The following LINGO2 variants were observed in gnomAD, a reference collection of about 807,000 sequenced individuals.
LINGO2 encodes leucine rich repeat and Ig domain containing 2.
In LINGO2, 14 loss-of-function variants were observed where a neutral mutation model predicts 30.6. The ratio of observed to expected loss-of-function variants is 0.46; its 90% CI spans 0.30 to 0.72. The LOEUF (loss-of-function observed/expected upper bound fraction) is 0.72. Among genes scored for constraint, LINGO2 ranks in the 30% least tolerant of loss-of-function variants. LINGO2 has a pLI of 0.07. For missense variants in LINGO2, 729 were observed against 751.7 expected (o/e 0.97, Z 0.35); for synonymous variants, 317 against 288.5 (o/e 1.10, Z -1.00).
chr9:28,279,748 T>C (rs34975991), intron 4 of LINGO2, among the ~76,000 whole-genome samples: 1 of 152,064 alleles, frequency 6.6e-6, no homozygotes, highest in Non-Finnish European at 1.5e-5. Context: ...GTTTGTATTG[T>C]ATTCTCCCAG....
the LINGO2 span, among the ~76,000 whole-genome samples, chr9:29,198,376 A>G: frequency 6.6e-6 from 1 of 152,276 alleles, no homozygotes; most frequent in Non-Finnish European, 1.5e-5. Context: ...GAAACAAGAA[A>G]GAAAAATATT....
intron 4 of LINGO2, among the ~76,000 whole-genome samples, chr9:28,014,539 A>G (rs576334157): frequency 6.6e-6 from 1 of 152,024 alleles, no homozygotes; most frequent in African/African-American, 2.4e-5. Flanking sequence ...GATACACTAG[A>G]TAAATTTTAC....
chr9:28,774,495 C>T, the LINGO2 span, among the ~76,000 whole-genome samples: 3 of 152,062 alleles, frequency 2.0e-5, no homozygotes, highest in Non-Finnish European at 2.9e-5. Context: ...TATATACACA[C>T]ACACATTATA....
chr9:28,216,532 G>A (rs568369885), intron 4 of LINGO2, among the ~76,000 whole-genome samples: 6 of 151,984 alleles, frequency 3.9e-5, no homozygotes, highest in African/African-American at 1.2e-4. Flanking sequence ...TATGATTTTC[G>A]TGTTGACAAC....
At chr9:28,655,089 T>A (rs1398065886) in intron 1 of LINGO2, among the ~76,000 whole-genome samples, 2 of 152,086 alleles carry the variant, frequency 1.3e-5, no homozygotes, top group East Asian at 3.9e-4. Context: ...CCTACCCAAA[T>A]CTCATCCTGA....
At chr9:28,619,136 T>C (rs933911613) in intron 1 of LINGO2, among the ~76,000 whole-genome samples, 9 of 152,136 alleles carry the variant, frequency 5.9e-5, no homozygotes, top group African/African-American at 2.2e-4. Context: ...ATTATTAAAA[T>C]ATAGGGGTTT....
intron 1 of LINGO2, among the ~76,000 whole-genome samples, chr9:28,662,465 G>C (rs1176608687): frequency 6.6e-6 from 1 of 152,062 alleles, no homozygotes; most frequent in African/African-American, 2.4e-5. Flanking sequence ...CAAGTGATAG[G>C]AGATTTTGTA....
the LINGO2 span, among the ~76,000 whole-genome samples, chr9:28,957,895 ATTTCT>A: frequency 6.6e-6 from 1 of 152,176 alleles, no homozygotes; most frequent in African/African-American, 2.4e-5. Flanking sequence ...CAATGCACTA[ATTTCT>A]TTACTTATAG....
the LINGO2 span, among the ~76,000 whole-genome samples, chr9:28,684,894 T>C: frequency 1.3e-5 from 2 of 152,226 alleles, no homozygotes; most frequent in Admixed American, 6.5e-5. Context: ...AAATTGCATG[T>C]TGCGTGGGTT....
intron 5 of LINGO2, among the ~76,000 whole-genome samples, chr9:27,951,353 C>A (rs924465213): frequency 6.6e-6 from 1 of 152,108 alleles, no homozygotes. Flanking sequence ...TTGAGGCAGA[C>A]AAAAGATCCT....
intron 4 of LINGO2, among the ~76,000 whole-genome samples, chr9:28,151,733 A>G (rs187487852): frequency 9.9e-5 from 15 of 152,136 alleles, no homozygotes; most frequent in African/African-American, 3.6e-4. Flanking sequence ...TTATATTCTA[A>G]ATGATGACTC....
At chr9:27,989,854 G>T (rs1821307882) in intron 5 of LINGO2, among the ~76,000 whole-genome samples, 1 of 151,892 alleles carries the variant, frequency 6.6e-6, no homozygotes, top group Non-Finnish European at 1.5e-5. Flanking sequence ...TTTAAACTCA[G>T]GTTTTATGAT....
chr9:29,143,826 T>G, the LINGO2 span, among the ~76,000 whole-genome samples: 1 of 152,136 alleles, frequency 6.6e-6, no homozygotes, highest in East Asian at 1.9e-4. Flanking sequence ...TTGGTGTCAT[T>G]GTCATGAAAT....
chr9:28,052,028 G>A (rs1205200533), intron 4 of LINGO2, among the ~76,000 whole-genome samples: 3 of 152,016 alleles, frequency 2.0e-5, no homozygotes, highest in African/African-American at 7.2e-5. Context: ...GCTGTCTCTT[G>A]CACTATGCTC....
At chr9:28,254,828 G>C (rs1822327817) in intron 4 of LINGO2, among the ~76,000 whole-genome samples, 1 of 152,026 alleles carries the variant, frequency 6.6e-6, no homozygotes, top group Non-Finnish European at 1.5e-5. Context: ...AAAAACTTGT[G>C]TCATGGGGGT....
chr9:28,934,891 A>G, the LINGO2 span, among the ~76,000 whole-genome samples: 1 of 152,134 alleles, frequency 6.6e-6, no homozygotes, highest in Non-Finnish European at 1.5e-5. Flanking sequence ...TACATACATC[A>G]TTATAACAGT....
At chr9:28,578,017 G>A (rs780597667) in intron 1 of LINGO2, among the ~76,000 whole-genome samples, 2 of 152,152 alleles carry the variant, frequency 1.3e-5, no homozygotes, top group Non-Finnish European at 2.9e-5. Context: ...AGGAATTCCT[G>A]GCAGTAGAAA....
At chr9:28,160,750 C>T (rs1828263273) in intron 4 of LINGO2, among the ~76,000 whole-genome samples, 1 of 152,152 alleles carries the variant, frequency 6.6e-6, no homozygotes, top group Non-Finnish European at 1.5e-5. Context: ...TGTCTGGTAA[C>T]AGCAGACAAT....
the LINGO2 span, among the ~76,000 whole-genome samples, chr9:29,132,094 G>T: frequency 6.6e-6 from 1 of 151,868 alleles, no homozygotes; most frequent in East Asian, 1.9e-4. Flanking sequence ...AGCATGATGA[G>T]AGTCCCTTGA....
Sources: gnomAD v4.1 joint callset for allele counts (sites outside exome capture counted in the v4.1 genomes callset) on GRCh38, gnomAD v4.1.1 for gene constraint, MANE v1.5 for transcripts, NCBI Gene and HGNC (gene_info 2026-07-23, HGNC 2026-07-21) for gene names.